SMC1B: variants seen among roughly 807,000 people sequenced by gnomAD.
The protein encoded by SMC1B is structural maintenance of chromosomes 1B.
A neutral mutation model predicts 157.9 loss-of-function variants in SMC1B; 60 were observed. The observed-to-expected ratio is 0.38, with a 90% CI of 0.31 to 0.47. The LOEUF is 0.47. SMC1B is among the 20% of genes least tolerant of loss of function. The pLI is 0.99. For missense variants in SMC1B, 1,165 were observed against 1,426.2 expected (o/e 0.82, Z 2.95); for synonymous variants, 445 against 483.0 (o/e 0.92, Z 1.03).
At chr22:45,380,516 T>C (rs1459347696) in intron 12 of SMC1B, among the ~76,000 whole-genome samples, 2 of 152,222 alleles carry the variant, frequency 1.3e-5, no homozygotes, top group South Asian at 2.1e-4. Flanking sequence ...TTTGTAATTT[T>C]ATTACCCTAA....
At chr22:45,346,307 A>C (rs1273182148) in intron 23 of SMC1B, among the ~76,000 whole-genome samples, 1 of 152,240 alleles carries the variant, frequency 6.6e-6, no homozygotes, top group Non-Finnish European at 1.5e-5. Flanking sequence ...TTCGTAATCC[A>C]TAATCAAGTC....
At chr22:45,405,189 A>T (rs992905181) in intron 4 of SMC1B, among the ~76,000 whole-genome samples, 5 of 152,138 alleles carry the variant, frequency 3.3e-5, no homozygotes, top group African/African-American at 1.2e-4. Flanking sequence ...ACACATAATA[A>T]AGGTCAAGGT....
At chr22:45,384,025 C>T (rs1339041269) in intron 11 of SMC1B, among the ~76,000 whole-genome samples, 1 of 152,162 alleles carries the variant, frequency 6.6e-6, no homozygotes, top group Non-Finnish European at 1.5e-5. Flanking sequence ...GTTCCCACAG[C>T]AGTGAACAGA....
Position 45,383,389 on chromosome 22 carries a change from T to C in SMC1B, c.2058+78A>G, listed in dbSNP as rs1360174218. Reference sequence around the variant, plus strand: ...CTCTTAAACTATAGAATTGGCACTGTTATTATAAAAAACCCACCTAGTTTA... The same window carrying C: ...CTCTTAAACTATAGAATTGGCACTGCTATTATAAAAAACCCACCTAGTTTA... On this transcript the variant is annotated intron_variant, in intron 12 of 24. Coordinates refer to ENST00000357450, the MANE Select transcript of SMC1B (RefSeq NM_148674.5). 3 of 1,050,062 alleles carry C rather than the reference T, an allele frequency of 2.9e-6. 1 individual carries two copies. The African/African-American group carries it at 5.0e-5, about 17-fold the overall frequency. 65.0% of individuals were successfully genotyped at this position (1,050,062 alleles called of 1,614,324 possible).
chr22:45,360,872 T>C (rs2086714904), intron 17 of SMC1B, among the ~76,000 whole-genome samples: 1 of 152,134 alleles, frequency 6.6e-6, no homozygotes, highest in Non-Finnish European at 1.5e-5. Context: ...TAAATCATGA[T>C]GCATGACAGG....
intron 10 of SMC1B, among the ~76,000 whole-genome samples, chr22:45,388,895 G>A (rs1274469133): frequency 7.0e-6 from 1 of 141,960 alleles, no homozygotes; most frequent in Admixed American, 7.6e-5. Flanking sequence ...GCTGAGGCAG[G>A]AGAATTGCTT....
chr22:45,412,893 T>G (rs2087362263), intron 1 of SMC1B, among the ~76,000 whole-genome samples: 4 of 152,186 alleles, frequency 2.6e-5, no homozygotes, highest in Admixed American at 2.6e-4. Context: ...TGGAACCCAT[T>G]ACCTCCTCGA....
chr22:45,393,385 T>C (rs1483110709), intron 9 of SMC1B, among the ~76,000 whole-genome samples: 1 of 152,194 alleles, frequency 6.6e-6, no homozygotes, highest in Admixed American at 6.5e-5. Flanking sequence ...TTGAACTTTC[T>C]GGGTACTATG....
chr22:45,389,636 G>A (rs1005845406), intron 10 of SMC1B, 76 bp downstream of exon 10: 1 of 1,344,376 alleles, frequency 7.4e-7, no homozygotes, highest in Non-Finnish European at 1.0e-6. Context: ...CACTATCATA[G>A]TTTTAGGCAA....
At chr22:45,375,045 C>T (rs2086871514) in intron 12 of SMC1B, among the ~76,000 whole-genome samples, 1 of 152,120 alleles carries the variant, frequency 6.6e-6, no homozygotes, top group Admixed American at 6.6e-5. Context: ...CTTGGGGCTC[C>T]AAAATCACTA....
intron 1 of SMC1B, 53 bp from the exon 2 acceptor site, chr22:45,408,951 A>G: frequency 8.7e-7 from 1 of 1,150,940 alleles, no homozygotes; most frequent in Non-Finnish European, 1.2e-6. Context: ...AAAAAGCCCT[A>G]CCCAGAGCTG....
intron 14 of SMC1B, 29 bp downstream of exon 14, chr22:45,371,442 C>T (rs562862902): frequency 1.3e-6 from 2 of 1,556,636 alleles, no homozygotes; most frequent in Non-Finnish European, 1.7e-6. Context: ...CTACATATAC[C>T]ATTTAGGAAT....
intron 2 of SMC1B, among the ~76,000 whole-genome samples, chr22:45,408,404 C>T (rs1428998216): frequency 3.9e-5 from 6 of 152,138 alleles, no homozygotes; most frequent in African/African-American, 7.2e-5. Context: ...GGATTACAGG[C>T]GTGAGCCACC....
In SMC1B at chr22:45,393,735, T is replaced by C; in HGVS notation, c.1444A>G (p.Ser482Gly). ...EVNEELNLIR[S>G]ELQNAGIDTH... ...TCAATCCCAGCATTCTGCAATTCAC[T>C]TCTAATAAGATTCAATTCTTCATTA... Residue 482 changes from serine to glycine, a missense_variant, in exon 9 of 25, where the codon AGT (serine) becomes GGT (glycine). Transcript: ENST00000357450. 1.9e-6 allele frequency: 3 copies of C among 1,614,036 alleles called. No individual in the cohort carries two copies. Among genetic ancestry groups the C allele is most frequent in the Non-Finnish European group, 2.5e-6 (3 of 1,179,902 alleles).
intron 15 of SMC1B, among the ~76,000 whole-genome samples, chr22:45,364,924 G>A (rs935822219): frequency 1.4e-5 from 2 of 144,780 alleles, no homozygotes; most frequent in Admixed American, 7.2e-5. Context: ...TGCAAGCTCC[G>A]CTTCCCGGGT....
chr22:45,348,075 A>C (rs547919445), intron 23 of SMC1B, among the ~76,000 whole-genome samples: 10 of 152,216 alleles, frequency 6.6e-5, no homozygotes, highest in African/African-American at 1.9e-4. Flanking sequence ...AGTCACTGTC[A>C]ATTTGTTTGG....
At chr22:45,364,768 T>C (rs2086756732) in intron 15 of SMC1B, among the ~76,000 whole-genome samples, 1 of 151,962 alleles carries the variant, frequency 6.6e-6, no homozygotes, top group South Asian at 2.1e-4. Context: ...TAGCTGCTCT[T>C]TTAATGGTTC....
chr22:45,365,928 G>A (rs1447102137), intron 15 of SMC1B, among the ~76,000 whole-genome samples: 5 of 152,154 alleles, frequency 3.3e-5, no homozygotes, highest in African/African-American at 1.2e-4. Context: ...TTTTAGATGG[G>A]ATGACAATAT....
chr22:45,370,370 T>G (rs2086819583), intron 14 of SMC1B, among the ~76,000 whole-genome samples: 1 of 152,206 alleles, frequency 6.6e-6, no homozygotes, highest in African/African-American at 2.4e-5. Flanking sequence ...AATATTACAT[T>G]CTACATAAAT....
Sources: allele counts gnomAD v4.1 joint callset (sites outside exome capture counted in the v4.1 genomes callset), GRCh38; gene constraint gnomAD v4.1.1; transcripts MANE v1.5; gene names NCBI Gene and HGNC (gene_info 2026-07-23, HGNC 2026-07-21).